The following PPARD variants were observed in gnomAD, a reference collection of about 807,000 sequenced individuals.
The protein encoded by PPARD is peroxisome proliferator-activated receptor delta.
In PPARD, 6 loss-of-function variants were observed where a neutral mutation model predicts 39.5. The observed-to-expected ratio is 0.15, with a 90% CI of 0.08 to 0.30. The LOEUF is 0.30. PPARD is among the 10% of genes least tolerant of loss of function. The probability of loss-of-function intolerance (pLI) is 1.00; values close to 1 mark genes in which losing one functional copy is unlikely to be tolerated. For synonymous variants in PPARD, 210 were observed against 231.3 expected (o/e 0.91, Z 0.83); for missense variants, 397 against 596.8 (o/e 0.67, Z 3.49).
At chr6:35,346,576 G>A (rs1430284349) in intron 1 of PPARD, among the ~76,000 whole-genome samples, 2 of 152,204 alleles carry the variant, frequency 1.3e-5, no homozygotes, top group East Asian at 1.9e-4. Context: ...TGTCAGAGGA[G>A]CCCTTGGAGC....
intron 3 of PPARD, among the ~76,000 whole-genome samples, chr6:35,416,387 A>C (rs1331181354): frequency 2.7e-5 from 4 of 146,812 alleles, no homozygotes; most frequent in East Asian, 2.0e-4. Context: ...AAAAAAAAAA[A>C]AAAAAAAAAA....
chr6:35,381,065 TCTCTTCCGTGCAC>T (rs768994331), intron 2 of PPARD, among the ~76,000 whole-genome samples: 84 of 151,888 alleles, frequency 5.5e-4, no homozygotes, highest in Non-Finnish European at 7.8e-4. Context: ...CCTCATCTCC[TCTCTTCCGTGCAC>T]CTCATTTTCC....
intron 2 of PPARD, among the ~76,000 whole-genome samples, chr6:35,375,364 C>A (rs539618008): frequency 1.3e-5 from 2 of 151,868 alleles, no homozygotes; most frequent in Non-Finnish European, 2.9e-5. Flanking sequence ...ACTACAGGCA[C>A]GTGCCACCAC....
intron 2 of PPARD, among the ~76,000 whole-genome samples, chr6:35,355,612 T>C (rs1761555817): frequency 1.8e-5 from 2 of 112,700 alleles, no homozygotes; most frequent in African/African-American, 3.9e-5. Context: ...TTTTTTTTTT[T>C]TTTTTTTTTT....
At chr6:35,381,148 C>T (rs1478827589) in intron 2 of PPARD, among the ~76,000 whole-genome samples, 3 of 152,058 alleles carry the variant, frequency 2.0e-5, no homozygotes. Flanking sequence ...CAGCCAGTGG[C>T]CACTGGCTTT....
chr6:35,347,075 A>G lies in PPARD; in HGVS notation c.-177A>G, dbSNP rs370216354. 1 of 1,533,564 alleles carries G rather than the reference A, an allele frequency of 6.5e-7. No homozygotes were observed. Among genetic ancestry groups the G allele is most frequent in the Non-Finnish European group, 8.7e-7 (1 of 1,144,722 alleles). 95.0% of individuals were successfully genotyped at this position (1,533,564 alleles called of 1,614,324 possible). Reference sequence around the variant, plus strand: ...TTTTTTCTATCCTGCAGTGTTGTACAGTGTTTTGGGCATGCACGTGATACT... The same window carrying G: ...TTTTTTCTATCCTGCAGTGTTGTACGGTGTTTTGGGCATGCACGTGATACT... On this transcript the variant is annotated 5_prime_UTR_variant, in exon 2 of 8. Transcript: ENST00000360694.
chr6:35,426,529 A>C lies in PPARD; in HGVS notation c.*450A>C. ...GAGAGTGGGGCCTGCCCTCTGCCCC[A>C]TCATTGCACCTGCAGGCTTAGGTCC... On this transcript the variant is annotated 3_prime_UTR_variant, in exon 8 of 8. Coordinates refer to ENST00000360694, the MANE Select transcript of PPARD (RefSeq NM_006238.5). 1 of 173,908 alleles carries C rather than the reference A, an allele frequency of 5.8e-6. No individual in the cohort carries two copies. Among genetic ancestry groups the C allele is most frequent in the Non-Finnish European group, 1.2e-5 (1 of 81,910 alleles). 10.8% of individuals were successfully genotyped at this position (173,908 alleles called of 1,614,324 possible).
intron 2 of PPARD, among the ~76,000 whole-genome samples, chr6:35,365,411 A>G (rs1310048574): frequency 6.6e-6 from 1 of 150,410 alleles, no homozygotes; most frequent in African/African-American, 2.5e-5. Flanking sequence ...AAGTCCTGGG[A>G]TTACAGGTGT....
At chr6:35,417,779 G>A (rs914451502) in intron 3 of PPARD, among the ~76,000 whole-genome samples, 23 of 149,472 alleles carry the variant, frequency 1.5e-4, no homozygotes, top group African/African-American at 3.2e-4. Flanking sequence ...ATCCGCCCGC[G>A]TCGGCCTCCC....
At chr6:35,387,549 C>G (rs1355256094) in intron 2 of PPARD, among the ~76,000 whole-genome samples, 1 of 151,952 alleles carries the variant, frequency 6.6e-6, no homozygotes, top group African/African-American at 2.4e-5. Flanking sequence ...GTTCCTTCCA[C>G]GGTTTTTCCA....
intron 2 of PPARD, among the ~76,000 whole-genome samples, chr6:35,392,633 G>C (rs1374785365): frequency 6.6e-6 from 1 of 152,140 alleles, no homozygotes; most frequent in Non-Finnish European, 1.5e-5. Context: ...TTGCCAAGCA[G>C]GTCATTGTGG....
Position 35,392,663 on chromosome 6 carries a change from G to A in PPARD, c.-101-18324G>A, listed in dbSNP as rs186839414. Among the ~76,000 whole-genome samples the A allele has an allele frequency of 6.8e-4, 104 of 152,274 alleles. No individual in the cohort carries two copies. In the East Asian group the frequency reaches 0.014, roughly 21 times the overall value. ...TTGTGGGTGGGGAGACACCGCCTAC[G>A]TGCTCGGGACGCCCCAGGATTTGGG... is the stretch of plus-strand genomic sequence containing the variant. On this transcript the variant is annotated intron_variant, in intron 2 of 7. Transcript: ENST00000360694.
At chr6:35,373,639 C>T (rs531112321) in intron 2 of PPARD, among the ~76,000 whole-genome samples, 6 of 151,392 alleles carry the variant, frequency 4.0e-5, no homozygotes, top group South Asian at 2.1e-4. Context: ...CTTCACTCTA[C>T]GGTACATTTC....
rs201410607 is a variant in PPARD, at chr6:35,426,083, C to T, written c.*4C>T. On this transcript the variant is annotated 3_prime_UTR_variant, in exon 8 of 8. Coordinates refer to ENST00000360694, the MANE Select transcript of PPARD (RefSeq NM_006238.5). ...GATCTACAAGGACATGTACTAACGGCGGCACCCAGGCCTCCCTGCAGACTC... is the reference window on the plus strand; with the variant it reads ...GATCTACAAGGACATGTACTAACGGTGGCACCCAGGCCTCCCTGCAGACTC... 167 of 1,609,488 alleles carry T rather than the reference C, an allele frequency of 1.0e-4. No individual in the cohort carries two copies. In the Middle Eastern group the frequency reaches 1.2e-3, roughly 11 times the overall value.
At chr6:35,398,821 A>G (rs1335586109) in intron 2 of PPARD, among the ~76,000 whole-genome samples, 1 of 152,214 alleles carries the variant, frequency 6.6e-6, no homozygotes, top group Non-Finnish European at 1.5e-5. Context: ...GTTTCAAAGT[A>G]CAGTGACATT....
intron 1 of PPARD, among the ~76,000 whole-genome samples, chr6:35,346,189 A>G (rs1406719747): frequency 6.6e-6 from 1 of 152,044 alleles, no homozygotes; most frequent in African/African-American, 2.4e-5. Context: ...TGGACCTGTC[A>G]CTTCTAAGGG....
chr6:35,387,161 C>A (rs1172817263), intron 2 of PPARD, among the ~76,000 whole-genome samples: 2 of 152,034 alleles, frequency 1.3e-5, no homozygotes, highest in African/African-American at 4.8e-5. Context: ...GGTGGAGTTG[C>A]ATCAGTTGTT....
At position 35,366,560 on chromosome 6, in the gene PPARD, T is replaced by C. The variant is rs1762217464; in HGVS notation, c.-102+19410T>C. 6.6e-6 allele frequency among the ~76,000 whole-genome samples: 1 copy of C among 151,254 alleles called. No homozygotes were observed. Among genetic ancestry groups the C allele is most frequent in the Non-Finnish European group, 1.5e-5 (1 of 68,020 alleles). ...CTGGCCTGTAGTACTAAATACTTTT[T>C]TTTTTTTTTAAGACAATCTCACTCT... On this transcript the variant is annotated intron_variant, in intron 2 of 7. Transcript: ENST00000360694. This position sits in a 1 kb window ranked among gnomAD's most constrained non-coding sequence, Gnocchi z 4.6.
chr6:35,411,118 G>T lies in PPARD; in HGVS notation c.31G>T (p.Val11Phe). 2 of 1,577,098 alleles carry T rather than the reference G, an allele frequency of 1.3e-6. No individual in the cohort carries two copies. Among genetic ancestry groups the T allele is most frequent in the Non-Finnish European group, 1.7e-6 (2 of 1,160,244 alleles). MEQPQEEAPE[V>F]REEEEKEEVA... ...GCAGCCACAGGAGGAAGCCCCTGAG[G>T]TCCGGGAAGAGGAGGAGAAAGAGGA... The change falls in exon 3 of 8, where the codon GTC becomes TTC. Residue 11 changes from valine to phenylalanine, a missense_variant. Val to Phe is a conservative substitution (Grantham distance 50). Coordinates refer to ENST00000360694, the MANE Select transcript of PPARD (RefSeq NM_006238.5).
Sources: allele counts gnomAD v4.1 joint callset (sites outside exome capture counted in the v4.1 genomes callset), GRCh38; gene constraint gnomAD v4.1.1; non-coding constraint Gnocchi (gnomAD v3.1); transcripts MANE v1.5; gene names NCBI Gene and HGNC (gene_info 2026-07-23, HGNC 2026-07-21).